Variants in KRIT1 observed in about 807,000 individuals in gnomAD.
KRIT1 encodes KRIT1 ankyrin repeat containing.
Under a neutral mutation model 95.8 loss-of-function variants are expected in KRIT1, and 45 were observed. The observed-to-expected ratio is 0.47, with a 90% CI of 0.37 to 0.60. The LOEUF is 0.60. Ranked by LOEUF, KRIT1 falls within the 20% of genes least tolerant of loss-of-function variation. KRIT1 has a pLI of 0.00. For missense variants in KRIT1, 788 were observed against 877.5 expected, an observed-to-expected ratio of 0.90 and a Z score of 1.29; for synonymous variants, 282 against 278.8, an observed-to-expected ratio of 1.01 and a Z score of -0.11.
At chr7:92,222,750 T>A in intron 13 of KRIT1, 72 bp downstream of exon 13, 2 of 880,188 alleles carry the variant, frequency 2.3e-6, no homozygotes, top group Non-Finnish European at 3.8e-6. Flanking sequence ...TAAAAAGAAG[T>A]TGTATTTTCT....
At chr7:92,240,400 C>CT (rs1272058320) in intron 5 of KRIT1, among the ~76,000 whole-genome samples, 3 of 152,098 alleles carry the variant, frequency 2.0e-5, no homozygotes, top group African/African-American at 7.2e-5. Flanking sequence ...ATTGGTTTTA[C>CT]TTTTTAAATT....
intron 17 of KRIT1, among the ~76,000 whole-genome samples, chr7:92,205,232 T>A (rs1458518166): frequency 2.0e-5 from 3 of 151,822 alleles, no homozygotes; most frequent in African/African-American, 7.3e-5. Flanking sequence ...TATAATCCCA[T>A]CTAGTTGGGA....
intron 15 of KRIT1, 85 bp downstream of exon 15, chr7:92,214,526 T>C (rs1367401402): frequency 3.0e-6 from 3 of 996,274 alleles, no homozygotes; most frequent in African/African-American, 1.6e-5. Context: ...AATGTATAAA[T>C]ATTTTCTAAT....
chr7:92,223,273 CAAAA>C (rs568078150), intron 12 of KRIT1, among the ~76,000 whole-genome samples: 13 of 42,104 alleles, frequency 3.1e-4, no homozygotes, highest in Admixed American at 1.9e-3. Context: ...ACTAAAAATA[CAAAA>C]AAAAAAAAAA....
chr7:92,218,796 A>T (rs568616952), intron 14 of KRIT1, among the ~76,000 whole-genome samples: 1 of 152,088 alleles, frequency 6.6e-6, no homozygotes, highest in African/African-American at 2.4e-5. Flanking sequence ...GTTGCTTTTC[A>T]CTTTCTTAAT....
intron 7 of KRIT1, 161 bp downstream of exon 7, chr7:92,236,252 G>A (rs566906680): frequency 2.7e-5 from 15 of 565,022 alleles, no homozygotes; most frequent in East Asian, 9.4e-5. Context: ...CCTTATCTTC[G>A]GGTTTTTCAT....
rs114457784 is a variant in KRIT1, at chr7:92,241,186, A to C, written c.103-34T>G. On this transcript the variant is annotated intron_variant, in intron 4 of 18. Coordinates refer to ENST00000394505, the MANE Select transcript of KRIT1 (RefSeq NM_194454.3). ...AGAAAAACATTAAGAGAAAGCTTAA[A>C]ATAAAGTCTACTTGCCCTAGAATAC... is the stretch of plus-strand genomic sequence containing the variant. 5.7e-4 allele frequency: 845 copies of C among 1,491,296 alleles called. 6 individuals carry two copies. In the African/African-American group the frequency reaches 9.8e-3, roughly 17 times the overall value. 92.4% of individuals were successfully genotyped at this position (1,491,296 alleles called of 1,614,324 possible). A position where few individuals can be genotyped will look rare whatever the true frequency, so the allele number is the denominator to read the frequency against.
chr7:92,233,161 T>TAC lies in KRIT1; in HGVS notation c.989+1286_989+1287dup, dbSNP rs139965359. Among the ~76,000 whole-genome samples, 1,091 of 149,460 alleles carry TAC rather than the reference T, an allele frequency of 7.3e-3. 5 individuals carry two copies. The highest frequency in any genetic ancestry group is 0.021 in the East Asian group (104 of 5,026). ...AGGAAACAGAAAAAAGATCTTTTTA[T>TAC]ACACACACACACACACACACACACA... On this transcript the variant is annotated intron_variant, in intron 10 of 18. Coordinates refer to ENST00000394505, the MANE Select transcript of KRIT1 (RefSeq NM_194454.3).
intron 9 of KRIT1, 81 bp from the exon 10 acceptor site, chr7:92,234,673 G>A (rs1235439650): frequency 7.7e-6 from 10 of 1,290,834 alleles, no homozygotes; most frequent in African/African-American, 1.5e-5. Context: ...ATCTATGAAA[G>A]CTCTGTATCA....
intron 17 of KRIT1, chr7:92,203,957 G>C (rs117353473): frequency 2.2e-4 from 33 of 152,878 alleles, no homozygotes; most frequent in Non-Finnish European, 4.7e-4. Flanking sequence ...AATGAGGATG[G>C]TGTGGTGGCT....
intron 10 of KRIT1, among the ~76,000 whole-genome samples, chr7:92,228,024 C>T (rs947838433): frequency 7.2e-5 from 11 of 151,766 alleles, no homozygotes; most frequent in African/African-American, 2.7e-4. Context: ...GTGGGGGTTG[C>T]GGCGGGGAGG....
At position 92,220,541 on chromosome 7, in the gene KRIT1, T is replaced by C. The variant is rs556242178; in HGVS notation, c.1563+1361A>G. On this transcript the variant is annotated intron_variant, in intron 14 of 18. Coordinates refer to ENST00000394505, the MANE Select transcript of KRIT1 (RefSeq NM_194454.3). ...GCCAAAATTTGTTTAACTGTGTTTG[T>C]TTAATATTCCCTGAGAATAAAGAAT... Among the ~76,000 whole-genome samples the C allele has an allele frequency of 2.9e-4, 44 of 152,296 alleles. 1 individual carries two copies. In the South Asian group the frequency reaches 9.1e-3, roughly 32 times the overall value.
At chr7:92,223,112 G>A in intron 12 of KRIT1, 134 bp from the exon 13 acceptor site, 1 of 690,298 alleles carries the variant, frequency 1.4e-6, no homozygotes, top group South Asian at 1.7e-5. Context: ...TGTTTTAAGT[G>A]AGAATCTGTT....
chr7:92,242,815 TTTTTG>T (rs376357992), intron 3 of KRIT1, among the ~76,000 whole-genome samples: 1 of 152,178 alleles, frequency 6.6e-6, no homozygotes, highest in Admixed American at 6.5e-5. Context: ...ATAATCCAAA[TTTTTG>T]TTTTGTTTTG....
rs1796213227 is a variant in KRIT1 at position 92,226,383 on chromosome 7, T to C, written c.1146+143A>G. On this transcript the variant is annotated intron_variant, in intron 11 of 18. Coordinates refer to ENST00000394505, the MANE Select transcript of KRIT1 (RefSeq NM_194454.3). ...TTTATTCTACAAAGTACAACTCATA[T>C]ATTCCGTTACTTATTCTATAAAGTA... The C allele has an allele frequency of 2.2e-5, 15 of 696,024 alleles. 2 individuals are homozygous for C. The highest frequency in any genetic ancestry group is 3.9e-4 in the Middle Eastern group (1 of 2,582). 43.1% of individuals were successfully genotyped at this position (696,024 alleles called of 1,614,324 possible). A position where few individuals can be genotyped will look rare whatever the true frequency, so the allele number is the denominator to read the frequency against.
intron 10 of KRIT1, among the ~76,000 whole-genome samples, chr7:92,229,052 T>C (rs1321928702): frequency 6.6e-6 from 1 of 152,214 alleles, no homozygotes; most frequent in Non-Finnish European, 1.5e-5. Flanking sequence ...ACATTCCATG[T>C]GTGTGCATGT....
intron 14 of KRIT1, 67 bp from the exon 15 acceptor site, chr7:92,214,844 TG>T (rs1793625756): frequency 9.2e-7 from 1 of 1,090,698 alleles, no homozygotes; most frequent in African/African-American, 1.6e-5. Flanking sequence ...CAACTTAATA[TG>T]GGAAAAGCAA....
intron 14 of KRIT1, among the ~76,000 whole-genome samples, chr7:92,217,385 T>C (rs1019420714): frequency 6.6e-6 from 1 of 152,220 alleles, no homozygotes; most frequent in African/African-American, 2.4e-5. Context: ...ACATAGTTTA[T>C]ATCATCCCAA....
rs190408413 is a variant in KRIT1, at chr7:92,217,954, G to C, written c.1564-3177C>G. Among the ~76,000 whole-genome samples, 278 of 152,218 alleles carry C rather than the reference G, an allele frequency of 1.8e-3. 2 individuals carry two copies. Among genetic ancestry groups the C allele is most frequent in the African/African-American group, 6.3e-3 (260 of 41,532 alleles). The stretch of plus-strand genomic sequence containing the variant: ...TTGTTTTTTATAGCCATCCTAGTGG[G>C]TGTGGTTTCTCACTGAGGTTTTAAT... On this transcript the variant is annotated intron_variant, in intron 14 of 18. Coordinates refer to ENST00000394505, the MANE Select transcript of KRIT1 (RefSeq NM_194454.3).
Sources: gnomAD v4.1 joint callset for allele counts (sites outside exome capture counted in the v4.1 genomes callset) on GRCh38, gnomAD v4.1.1 for gene constraint, MANE v1.5 for transcripts, NCBI Gene and HGNC (gene_info 2026-07-23, HGNC 2026-07-21) for gene names.